The following HEMK2 variants were observed in gnomAD, a reference collection of about 807,000 sequenced individuals.
HEMK2 encodes methyltransferase HEMK2.
the HEMK2 span, among the ~76,000 whole-genome samples, chr21:28,598,094 G>C: frequency 6.6e-6 from 1 of 152,104 alleles, no homozygotes; most frequent in Non-Finnish European, 1.5e-5. Context: ...TAACTCACAG[G>C]TGTGCACAAA....
chr21:28,607,396 G>T, the HEMK2 span, among the ~76,000 whole-genome samples: 1 of 152,044 alleles, frequency 6.6e-6, no homozygotes, highest in South Asian at 2.1e-4. Context: ...GGGCAATACA[G>T]CGAGACTCCA....
chr21:28,788,279 T>TACACAC, the HEMK2 span, among the ~76,000 whole-genome samples: 1 of 147,156 alleles, frequency 6.8e-6, no homozygotes, highest in Admixed American at 6.8e-5. Flanking sequence ...CCATCATATA[T>TACACAC]ACACACACAC....
the HEMK2 span, among the ~76,000 whole-genome samples, chr21:28,751,220 C>G: frequency 0.54 from 79,921 of 146,922 alleles, 24,684 homozygotes; most frequent in African/African-American, 0.84. Context: ...GACAGAGCAA[C>G]ACTCTGTCTC....
At chr21:28,676,224 G>A in the HEMK2 span, among the ~76,000 whole-genome samples, 2 of 152,192 alleles carry the variant, frequency 1.3e-5, no homozygotes, top group Non-Finnish European at 2.9e-5. Flanking sequence ...ATATCAAGGT[G>A]TCAACAAGGT....
At chr21:28,681,918 T>A in the HEMK2 span, among the ~76,000 whole-genome samples, 64 of 152,334 alleles carry the variant, frequency 4.2e-4, no homozygotes, top group African/African-American at 1.4e-3. Context: ...GATTAAAGAC[T>A]TATATGTTAG....
At chr21:28,859,754 C>A in the HEMK2 span, among the ~76,000 whole-genome samples, 5 of 152,118 alleles carry the variant, frequency 3.3e-5, no homozygotes, top group African/African-American at 1.2e-4. Flanking sequence ...CCCTCACCAC[C>A]CCAGACCTGA....
chr21:28,614,069 T>C, the HEMK2 span, among the ~76,000 whole-genome samples: 1 of 152,226 alleles, frequency 6.6e-6, no homozygotes, highest in Non-Finnish European at 1.5e-5. Context: ...TGCATGTCAA[T>C]TTGAATAAAG....
chr21:28,644,245 A>G, the HEMK2 span, among the ~76,000 whole-genome samples: 42 of 152,280 alleles, frequency 2.8e-4, no homozygotes, highest in African/African-American at 9.9e-4. Context: ...AGAATAACCA[A>G]TGGAGAAACT....
the HEMK2 span, among the ~76,000 whole-genome samples, chr21:28,678,271 A>G: frequency 6.6e-6 from 1 of 152,240 alleles, no homozygotes; most frequent in African/African-American, 2.4e-5. Context: ...AGCTGATTTG[A>G]TCAACTGGAA....
chr21:28,759,924 A>C, the HEMK2 span, among the ~76,000 whole-genome samples: 1 of 152,174 alleles, frequency 6.6e-6, no homozygotes, highest in Non-Finnish European at 1.5e-5. Context: ...GTGTCAAAAC[A>C]GTTTACTACA....
chr21:28,663,241 A>G, the HEMK2 span, among the ~76,000 whole-genome samples: 1 of 152,252 alleles, frequency 6.6e-6, no homozygotes. Context: ...AGTCACAGAA[A>G]CAAGTAGGGA....
chr21:28,859,355 C>G, the HEMK2 span, among the ~76,000 whole-genome samples: 1 of 152,168 alleles, frequency 6.6e-6, no homozygotes, highest in Admixed American at 6.5e-5. Context: ...ATCTTGCATT[C>G]AAGTTGCCTA....
the HEMK2 span, among the ~76,000 whole-genome samples, chr21:28,813,351 A>G: frequency 6.7e-6 from 1 of 150,112 alleles, no homozygotes; most frequent in East Asian, 2.0e-4. Flanking sequence ...TCCCATTCAC[A>G]ATTGCTACAA....
chr21:28,712,569 T>G, the HEMK2 span, among the ~76,000 whole-genome samples: 2 of 152,268 alleles, frequency 1.3e-5, no homozygotes, highest in East Asian at 3.9e-4. Flanking sequence ...CAGAAGTGTT[T>G]AGAGGACATC....
the HEMK2 span, among the ~76,000 whole-genome samples, chr21:28,764,111 C>T: frequency 6.6e-6 from 1 of 152,206 alleles, no homozygotes; most frequent in Non-Finnish European, 1.5e-5. Context: ...CTACTCCCTG[C>T]TGCTGTTTCC....
At chr21:28,646,476 A>AGAG in the HEMK2 span, among the ~76,000 whole-genome samples, 15 of 152,154 alleles carry the variant, frequency 9.9e-5, no homozygotes, top group Non-Finnish European at 1.6e-4. Context: ...GTTTGACCCA[A>AGAG]ATAACTCTCT....
chr21:28,624,188 T>C, the HEMK2 span, among the ~76,000 whole-genome samples: 1 of 152,202 alleles, frequency 6.6e-6, no homozygotes, highest in Non-Finnish European at 1.5e-5. Flanking sequence ...AAAGTTCATT[T>C]CTAGTCTTTG....
chr21:28,781,446 C>T, the HEMK2 span, among the ~76,000 whole-genome samples: 1 of 145,850 alleles, frequency 6.9e-6, no homozygotes, highest in African/African-American at 2.6e-5. Flanking sequence ...GTGTTCAGAG[C>T]TCCCCAAGAT....
At chr21:28,837,674 G>T in the HEMK2 span, among the ~76,000 whole-genome samples, 1 of 151,662 alleles carries the variant, frequency 6.6e-6, no homozygotes, top group Non-Finnish European at 1.5e-5. Flanking sequence ...ACCCAGCAAA[G>T]AAAGGAAATA....
Sources: allele counts gnomAD v4.1 joint callset (sites outside exome capture counted in the v4.1 genomes callset), GRCh38; gene constraint gnomAD v4.1.1; transcripts MANE v1.5; gene names NCBI Gene and HGNC (gene_info 2026-07-23, HGNC 2026-07-21).